Variants in LRRC36 observed in about 807,000 individuals in gnomAD.
LRRC36 encodes the protein leucine rich repeat containing 36.
In LRRC36, 62 loss-of-function variants were observed where a neutral mutation model predicts 81.1. The observed-to-expected ratio is 0.76, with a 90% confidence interval of 0.62 to 0.94. The LOEUF (loss-of-function observed/expected upper bound fraction) is 0.94. Among genes scored for constraint, LRRC36 ranks in the 40% least tolerant of loss-of-function variants. The probability of loss-of-function intolerance (pLI) is 0.00; values close to 1 mark genes in which losing one functional copy is unlikely to be tolerated. For missense variants in LRRC36, 761 were observed against 881.7 expected (o/e 0.86, Z 1.73); for synonymous variants, 334 against 348.6 (o/e 0.96, Z 0.47).
chr16:67,369,756 T>G (rs1237505264), intron 8 of LRRC36, among the ~76,000 whole-genome samples: 1 of 152,134 alleles, frequency 6.6e-6, no homozygotes, highest in East Asian at 1.9e-4. Flanking sequence ...GGAACTCCCC[T>G]TTATAAAACC....
intron 4 of LRRC36, among the ~76,000 whole-genome samples, chr16:67,348,308 A>G (rs764209101): frequency 3.9e-5 from 6 of 152,198 alleles, no homozygotes; most frequent in African/African-American, 1.2e-4. Context: ...ATAGACACAT[A>G]TAGATAATAT....
intron 5 of LRRC36, chr16:67,362,174 T>G: frequency 2.2e-6 from 1 of 453,744 alleles, no homozygotes. Flanking sequence ...TTTTGTTTTT[T>G]CTTCCCGAGA....
Position 67,342,077 on chromosome 16 carries a change from G to A in LRRC36, c.191G>A (p.Ser64Asn), listed in dbSNP as rs1417311800. Residue 64 changes from serine to asparagine, a missense_variant, in exon 2 of 14, where the codon AGC (serine) becomes AAC (asparagine). Ser to Asn is a conservative substitution (Grantham distance 46, BLOSUM62 1). Coordinates refer to ENST00000329956, the MANE Select transcript of LRRC36 (RefSeq NM_018296.6). ...GATTTATCAAGGAATTTGATCACTA[G>A]CCTTAAGGTAAGTTATATATTCTAT... ...SLDLSRNLIT[S>N]LKGIQYLCSL... is the part of the protein sequence containing the mutation. The A allele has an allele frequency of 8.7e-6, 14 of 1,601,980 alleles. No individual in the cohort carries two copies. The East Asian group carries it at 2.9e-4, about 33-fold the overall frequency.
intron 6 of LRRC36, 112 bp downstream of exon 6, chr16:67,363,826 A>G (rs2039269877): frequency 8.6e-7 from 1 of 1,159,160 alleles, no homozygotes. Flanking sequence ...TGATGAAGGC[A>G]TTTTAGACCC....
chr16:67,357,892 A>G (rs2038970481), intron 5 of LRRC36, among the ~76,000 whole-genome samples: 1 of 152,346 alleles, frequency 6.6e-6, no homozygotes, highest in East Asian at 1.9e-4. Context: ...TATCTGTATG[A>G]TAAAGCCTTT....
At chr16:67,352,556 G>T (rs1287415550) in intron 5 of LRRC36, among the ~76,000 whole-genome samples, 1 of 151,682 alleles carries the variant, frequency 6.6e-6, no homozygotes, top group Admixed American at 6.6e-5. Flanking sequence ...GCGTACCTAG[G>T]CTATATCTTT....
At chr16:67,335,733 TC>T (rs2037727586) in intron 1 of LRRC36, among the ~76,000 whole-genome samples, 1 of 151,452 alleles carries the variant, frequency 6.6e-6, no homozygotes, top group Non-Finnish European at 1.5e-5. Flanking sequence ...CAACCACTGA[TC>T]TTTTTTTTTT....
chr16:67,349,054 T>C (rs1368468471), intron 4 of LRRC36, among the ~76,000 whole-genome samples: 1 of 152,232 alleles, frequency 6.6e-6, no homozygotes, highest in Non-Finnish European at 1.5e-5. Context: ...TAGATAGAAA[T>C]TGAATGCTTC....
intron 5 of LRRC36, among the ~76,000 whole-genome samples, chr16:67,353,410 A>C (rs1490785743): frequency 6.6e-6 from 1 of 151,976 alleles, no homozygotes; most frequent in East Asian, 1.9e-4. Context: ...TTTTTGAGAC[A>C]GAGTCTCACT....
At chr16:67,352,126 C>T (rs1316061102) in intron 5 of LRRC36, among the ~76,000 whole-genome samples, 1 of 152,212 alleles carries the variant, frequency 6.6e-6, no homozygotes, top group Non-Finnish European at 1.5e-5. Context: ...ACTTTCTCTT[C>T]TAAGAACAAA....
At chr16:67,329,942 G>A (rs1390744271) in intron 1 of LRRC36, among the ~76,000 whole-genome samples, 2 of 152,040 alleles carry the variant, frequency 1.3e-5, no homozygotes, top group Admixed American at 6.6e-5. Context: ...ATAAGAATCC[G>A]TATATGGTCC....
At chr16:67,380,430 G>A (rs1328665564) in intron 12 of LRRC36, among the ~76,000 whole-genome samples, 1 of 152,114 alleles carries the variant, frequency 6.6e-6, no homozygotes, top group Non-Finnish European at 1.5e-5. Context: ...AATCTTGATT[G>A]TACTACTTTA....
At chr16:67,351,737 G>A (rs1159102944) in intron 5 of LRRC36, among the ~76,000 whole-genome samples, 1 of 151,914 alleles carries the variant, frequency 6.6e-6, no homozygotes, top group Non-Finnish European at 1.5e-5. Context: ...GACATAATGA[G>A]GTGTGACTTT....
chr16:67,381,525 G>A lies in LRRC36; in HGVS notation c.1931-608G>A, dbSNP rs140532149. Among the ~76,000 whole-genome samples, 9 of 152,338 alleles carry A rather than the reference G, an allele frequency of 5.9e-5. No individual in the cohort carries two copies. In the East Asian group the frequency reaches 1.7e-3, roughly 29 times the overall value. On this transcript the variant is annotated intron_variant, in intron 12 of 13. Coordinates refer to ENST00000329956, the MANE Select transcript of LRRC36 (RefSeq NM_018296.6). ...AATATCTATTGACTGCCTATGCTAAGTGAGGGTAGGTGTCTCATTGAATCC... is the reference window on the plus strand; with the variant it reads ...AATATCTATTGACTGCCTATGCTAAATGAGGGTAGGTGTCTCATTGAATCC...
At chr16:67,354,370 C>T (rs1241281299) in intron 5 of LRRC36, among the ~76,000 whole-genome samples, 1 of 152,028 alleles carries the variant, frequency 6.6e-6, no homozygotes, top group Non-Finnish European at 1.5e-5. Context: ...TTCCACCTCC[C>T]GGGTTCAAGT....
rs763377695 is a variant in LRRC36, at chr16:67,378,582, T to G, written c.1807-7T>G. 1.2e-6 allele frequency: 2 copies of G among 1,613,448 alleles called. No homozygotes were observed. The highest frequency in any genetic ancestry group is 2.2e-5 in the South Asian group (2 of 91,070). On this transcript the variant is annotated splice_polypyrimidine_tract_variant and splice_region_variant and intron_variant, in intron 11 of 13. Transcript: ENST00000329956. ...AATGTATTTGTATTTTGTTTTCTAA[T>G]CTAAAGGAAAGTTTGAAGCAAAAAC...
chr16:67,382,463 T>C (rs897675731), intron 13 of LRRC36, among the ~76,000 whole-genome samples: 2 of 152,206 alleles, frequency 1.3e-5, no homozygotes, highest in East Asian at 3.8e-4. Flanking sequence ...ATTGGTGGGT[T>C]GCAACACCTC....
In LRRC36 at chr16:67,341,964, G is replaced by A. The variant is rs2038106664; in HGVS notation, c.78G>A (p.Val26=). The change falls in exon 2 of 14, where the codon GTG becomes GTA. Residue 26 remains valine (V), a synonymous_variant. Transcript: ENST00000329956. ...CTGATGATCTCTTTTCAGAACTGGT[G>A]GAGTCTCTTTCATTGCAGGGATCTT... The part of the protein sequence containing the change: ...GALTLEQPEL[V]ESLSLQGSYA... 2 of 1,608,876 alleles carry A rather than the reference G, an allele frequency of 1.2e-6. No homozygotes were observed. The highest frequency in any genetic ancestry group is 1.7e-6 in the Non-Finnish European group (2 of 1,176,750).
At chr16:67,352,074 G>A (rs1477094096) in intron 5 of LRRC36, among the ~76,000 whole-genome samples, 1 of 152,132 alleles carries the variant, frequency 6.6e-6, no homozygotes, top group Non-Finnish European at 1.5e-5. Context: ...CTTCATTTGT[G>A]CCATATTACT....
Sources: gnomAD v4.1 joint callset for allele counts (sites outside exome capture counted in the v4.1 genomes callset) on GRCh38, gnomAD v4.1.1 for gene constraint, MANE v1.5 for transcripts, NCBI Gene and HGNC (gene_info 2026-07-23, HGNC 2026-07-21) for gene names.